Variants in TAFA2 observed in about 807,000 individuals in gnomAD.
The protein encoded by TAFA2 is TAFA chemokine like family member 2.
TAFA2 carries 7 observed loss-of-function variants against 18.8 expected under a neutral mutation model. That is an observed-to-expected ratio of 0.37 (90% CI 0.21 to 0.70). The LOEUF is 0.70. Among genes scored for constraint, TAFA2 ranks in the 30% least tolerant of loss-of-function variants. The pLI, the probability that TAFA2 is intolerant of heterozygous loss-of-function variation, is 0.53. For synonymous variants in TAFA2, 60 were observed against 54.2 expected (o/e 1.11, Z -0.47); for missense variants, 122 against 158.1 (o/e 0.77, Z 1.23).
chr12:62,230,155 T>C (rs1345409817), intron 1 of TAFA2, among the ~76,000 whole-genome samples: 2 of 102,134 alleles, frequency 2.0e-5, no homozygotes, highest in Non-Finnish European at 4.0e-5. Context: ...GTTTTGTTTA[T>C]CTTTTTTAAA....
At chr12:61,848,787 C>A (rs961141612) in intron 2 of TAFA2, among the ~76,000 whole-genome samples, 60 of 146,044 alleles carry the variant, frequency 4.1e-4, no homozygotes, top group African/African-American at 1.3e-3. Context: ...TTGCATATAG[C>A]AGAAACAATA....
At chr12:61,855,646 A>C (rs1340098020) in intron 2 of TAFA2, among the ~76,000 whole-genome samples, 1 of 152,142 alleles carries the variant, frequency 6.6e-6, no homozygotes, top group African/African-American at 2.4e-5. Flanking sequence ...TTGAAGTAAA[A>C]ATAAATATAT....
chr12:61,976,963 G>A (rs896942949), intron 1 of TAFA2, among the ~76,000 whole-genome samples: 3 of 152,040 alleles, frequency 2.0e-5, no homozygotes, highest in African/African-American at 4.8e-5. Flanking sequence ...TTGCTATTGT[G>A]AATAGTGCCG....
intron 1 of TAFA2, among the ~76,000 whole-genome samples, chr12:62,143,153 G>A (rs752671700): frequency 5.9e-5 from 9 of 152,116 alleles, no homozygotes; most frequent in African/African-American, 4.8e-5. Context: ...TTTTCAACAC[G>A]GAGATGGCTG....
intron 1 of TAFA2, among the ~76,000 whole-genome samples, chr12:61,999,545 A>G (rs901574981): frequency 1.3e-5 from 2 of 152,176 alleles, no homozygotes; most frequent in South Asian, 2.1e-4. Context: ...TCAACTGGTG[A>G]CTGAAATCCT....
intron 1 of TAFA2, among the ~76,000 whole-genome samples, chr12:62,238,702 G>T (rs1428940205): frequency 1.3e-5 from 2 of 152,038 alleles, no homozygotes; most frequent in South Asian, 4.2e-4. Context: ...TATCTTTTTA[G>T]CCCTGATAAC....
chr12:61,727,351 C>A, intron 4 of TAFA2, among the ~76,000 whole-genome samples: 1 of 133,908 alleles, frequency 7.5e-6, no homozygotes. Context: ...TGGTCCTGGA[C>A]CTTTTTTTTT....
intron 1 of TAFA2, among the ~76,000 whole-genome samples, chr12:61,921,640 C>G (rs994879028): frequency 6.6e-6 from 1 of 151,956 alleles, no homozygotes; most frequent in East Asian, 1.9e-4. Flanking sequence ...TTTGAGCTGT[C>G]TATTAATTCT....
At chr12:62,036,412 G>A (rs570380004) in intron 1 of TAFA2, among the ~76,000 whole-genome samples, 1 of 152,324 alleles carries the variant, frequency 6.6e-6, no homozygotes, top group Admixed American at 6.5e-5. Flanking sequence ...AGAAGAGAAA[G>A]CAGGTTGGTA....
chr12:62,106,677 T>C (rs917250527), intron 1 of TAFA2, among the ~76,000 whole-genome samples: 1 of 152,218 alleles, frequency 6.6e-6, no homozygotes, highest in African/African-American at 2.4e-5. Context: ...TTCTTTAGTA[T>C]ACTCCCCTTT....
chr12:61,919,053 C>G (rs1876940316), intron 1 of TAFA2, among the ~76,000 whole-genome samples: 1 of 152,142 alleles, frequency 6.6e-6, no homozygotes, highest in South Asian at 2.1e-4. Flanking sequence ...AGCATACTGC[C>G]AACAGTGGCC....
chr12:62,039,023 T>C (rs1374629602), intron 1 of TAFA2, among the ~76,000 whole-genome samples: 2 of 152,124 alleles, frequency 1.3e-5, no homozygotes, highest in Non-Finnish European at 2.9e-5. Flanking sequence ...TGTCTGCATA[T>C]TTTCAAGAAC....
At chr12:62,104,050 C>T (rs561690773) in intron 1 of TAFA2, among the ~76,000 whole-genome samples, 1 of 152,256 alleles carries the variant, frequency 6.6e-6, no homozygotes, top group Admixed American at 6.5e-5. Context: ...TTTGAGTTGG[C>T]AATGCCAAGT....
At chr12:61,951,421 T>C (rs1209104116) in intron 1 of TAFA2, among the ~76,000 whole-genome samples, 2 of 152,154 alleles carry the variant, frequency 1.3e-5, no homozygotes, top group African/African-American at 2.4e-5. Flanking sequence ...AATCTTCAAG[T>C]CCTGAAAATA....
intron 4 of TAFA2, among the ~76,000 whole-genome samples, chr12:61,713,041 G>A (rs1869487142): frequency 6.6e-6 from 1 of 152,174 alleles, no homozygotes. Flanking sequence ...GCCACTAAAA[G>A]TAGAATGAAA....
chr12:62,090,921 G>A (rs1023919406), intron 1 of TAFA2, among the ~76,000 whole-genome samples: 4 of 151,950 alleles, frequency 2.6e-5, no homozygotes, highest in African/African-American at 7.2e-5. Context: ...GAATGATGCT[G>A]GCAAAGCTGA....
chr12:61,729,171 AT>A, intron 4 of TAFA2, among the ~76,000 whole-genome samples: 1 of 152,052 alleles, frequency 6.6e-6, no homozygotes, highest in Non-Finnish European at 1.5e-5. Flanking sequence ...GGCTTCTTTC[AT>A]CTTGATTTTA....
At chr12:61,841,647 A>C (rs1167777753) in intron 2 of TAFA2, among the ~76,000 whole-genome samples, 1 of 152,078 alleles carries the variant, frequency 6.6e-6, no homozygotes, top group Admixed American at 6.6e-5. Flanking sequence ...GTTTTCATAC[A>C]AATTTCAGGA....
At chr12:61,745,594 C>T (rs1200640360) in intron 4 of TAFA2, among the ~76,000 whole-genome samples, 4 of 152,116 alleles carry the variant, frequency 2.6e-5, no homozygotes, top group Non-Finnish European at 2.9e-5. Context: ...CAACATCCAA[C>T]ATACTATATA....
Sources: gnomAD v4.1 joint callset for allele counts (sites outside exome capture counted in the v4.1 genomes callset) on GRCh38, gnomAD v4.1.1 for gene constraint, MANE v1.5 for transcripts, NCBI Gene and HGNC (gene_info 2026-07-23, HGNC 2026-07-21) for gene names.